The following IRX6 variants were observed in gnomAD, a reference collection of about 807,000 sequenced individuals.
IRX6 encodes the protein iroquois homeobox 6.
In IRX6, 46 loss-of-function variants were observed where a neutral mutation model predicts 47.7. The ratio of observed to expected loss-of-function variants is 0.96; its 90% CI spans 0.76 to 1.23. The LOEUF (loss-of-function observed/expected upper bound fraction) is 1.23. IRX6 is among the 50% of genes most tolerant of loss of function. IRX6 has a pLI of 0.00. For synonymous variants in IRX6, 265 were observed against 246.2 expected, an observed-to-expected ratio of 1.08 and a Z score of -0.72; for missense variants, 722 against 588.0, an observed-to-expected ratio of 1.23 and a Z score of -2.36.
chr16:55,326,959 C>G (rs57266215), intron 2 of IRX6: 41 of 31,546 alleles, frequency 1.3e-3, no homozygotes, highest in African/African-American at 4.8e-3. Context: ...GGGCAGGGGG[C>G]GGGGGGTGGG....
intron 5 of IRX6, among the ~76,000 whole-genome samples, chr16:55,329,871 G>A (rs527921837): frequency 6.6e-6 from 1 of 152,142 alleles, no homozygotes. Flanking sequence ...ATGCCCCTGC[G>A]GTCAGCAGCT....
intron 2 of IRX6, 171 bp downstream of exon 2, chr16:55,326,764 A>G: frequency 1.7e-6 from 1 of 576,374 alleles, no homozygotes; most frequent in Non-Finnish European, 2.8e-6. Context: ...ACTGTTTAGA[A>G]AACATTTATA....
chr16:55,328,381 G>T (rs1431765884), intron 4 of IRX6, among the ~76,000 whole-genome samples: 1 of 152,184 alleles, frequency 6.6e-6, no homozygotes, highest in East Asian at 1.9e-4. Context: ...AGTAAAAACT[G>T]CCCCCTGGTT....
rs750890205 is a variant in IRX6 at position 55,328,761 on chromosome 16, AGAG to A, written c.801_803del (p.Glu268del). The A allele has an allele frequency of 5.1e-4, 768 of 1,501,414 alleles. No homozygotes were observed. Among genetic ancestry groups the A allele is most frequent in the Non-Finnish European group, 5.5e-4 (609 of 1,104,066 alleles). The allele number at this position is 1,501,414 out of a possible 1,614,324, so 93.0% of individuals were successfully genotyped here. A position where few individuals can be genotyped will look rare whatever the true frequency, so the allele number is the denominator to read the frequency against. ...TGAGTGACCTGGAAGACCTGGAGGA[AGAG>A]GAGGAGGAGGAGGAGGAAGCTGAAG... On this transcript the variant is annotated inframe_deletion, in exon 5 of 6. Coordinates refer to ENST00000290552, the MANE Select transcript of IRX6 (RefSeq NM_024335.3).
rs1555484071 is a variant in IRX6 at position 55,326,959 on chromosome 16, C to CGG, written c.304-332_304-331dup. On this transcript the variant is annotated intron_variant, in intron 2 of 5. Transcript: ENST00000290552. ...CTGGTGTGTGTTGTGGGGCAGGGGG[C>CGG]GGGGGGTGGGGGGCAGTAAGGGGGG... is the stretch of plus-strand genomic sequence containing the variant. 185 of 31,472 alleles carry CGG rather than the reference C, an allele frequency of 5.9e-3. 5 individuals are homozygous for CGG. Among genetic ancestry groups the CGG allele is most frequent in the Middle Eastern group, 9.4e-3 (1 of 106 alleles). The allele number at this position is 31,472 out of a possible 1,614,324, so 1.9% of individuals were successfully genotyped here. A position where few individuals can be genotyped will look rare whatever the true frequency, so the allele number is the denominator to read the frequency against.
rs1295041734 is a variant in IRX6 at position 55,328,755 on chromosome 16, G to A, written c.777G>A (p.Leu259=). The change falls in exon 5 of 6, where the codon CTG becomes CTA. Residue 259 remains leucine, a synonymous_variant. Coordinates refer to ENST00000290552, the MANE Select transcript of IRX6 (RefSeq NM_024335.3). ...RGLRLSDLED[L]EEEEEEEEEA... is the part of the protein sequence containing the mutation. ...TCCGGCTGAGTGACCTGGAAGACCT[G>A]GAGGAAGAGGAGGAGGAGGAGGAGG... 6.2e-7 allele frequency: 1 copy of A among 1,613,238 alleles called. No homozygotes were observed. The highest frequency in any genetic ancestry group is 8.5e-7 in the Non-Finnish European group (1 of 1,180,008).
Position 55,325,033 on chromosome 16 carries a change from C to A in IRX6, c.-59C>A. The A allele has an allele frequency of 6.3e-7, 1 of 1,576,972 alleles. No homozygotes were observed. Among genetic ancestry groups the A allele is most frequent in the Non-Finnish European group, 8.7e-7 (1 of 1,146,536 alleles). Reference sequence around the variant, plus strand: ...ACACCTCACTGCTGGGGGCGCGGAACAGCTGGGCTGAGACGGGAACTCGAC... The same window carrying A: ...ACACCTCACTGCTGGGGGCGCGGAAAAGCTGGGCTGAGACGGGAACTCGAC... On this transcript the variant is annotated 5_prime_UTR_variant, in exon 1 of 6. Transcript: ENST00000290552.
chr16:55,326,974 A>AAG (rs1960542021), intron 2 of IRX6: 1 of 69,950 alleles, frequency 1.4e-5, no homozygotes, highest in African/African-American at 9.0e-5. Context: ...GGTGGGGGGC[A>AAG]GTAAGGGGGG....
intron 2 of IRX6, chr16:55,326,972 GCAGTAA>G (rs1457511025): frequency 2.0e-3 from 202 of 103,456 alleles, no homozygotes; most frequent in Admixed American, 2.4e-3. Flanking sequence ...GGGGTGGGGG[GCAGTAA>G]GGGGGGAAAG....
Position 55,326,082 on chromosome 16 carries a change from G to C in IRX6, c.46-254G>C, listed in dbSNP as rs1021632878. On this transcript the variant is annotated intron_variant, in intron 1 of 5. Transcript: ENST00000290552. ...AATGTTCACATTTTCCCGGCCTCCT[G>C]GGGCTCTGGGGCCTTAGCAATGGAG... 3 of 502,094 alleles carry C rather than the reference G, an allele frequency of 6.0e-6. No individual in the cohort carries two copies. The Admixed American group carries it at 1.1e-4, about 19-fold the overall frequency. The allele number at this position is 502,094 out of a possible 1,614,324, so 31.1% of individuals were successfully genotyped here. A position where few individuals can be genotyped will look rare whatever the true frequency, so the allele number is the denominator to read the frequency against.
At position 55,329,261 on chromosome 16, in the gene IRX6, C is replaced by A; in HGVS notation, c.1283C>A (p.Pro428Gln). The A allele has an allele frequency of 6.2e-7, 1 of 1,613,134 alleles. No individual in the cohort carries two copies. The highest frequency in any genetic ancestry group is 1.1e-5 in the South Asian group (1 of 91,058). The change falls in exon 5 of 6, where the codon CCG becomes CAG. Residue 428 changes from proline (P) to glutamine (Q), a missense_variant. By Grantham distance (76) the Pro-to-Gln change is moderately conservative (BLOSUM62 -1). Transcript: ENST00000290552. ...QGLPLNCAPC[P>Q]RRSEPVVQCQ... Reference sequence around the variant, plus strand: ...CTACCGCTGAACTGTGCGCCGTGCCCGCGGAGGAGCGAGCCTGTAGTGCAG... The same window carrying A: ...CTACCGCTGAACTGTGCGCCGTGCCAGCGGAGGAGCGAGCCTGTAGTGCAG...
At chr16:55,328,074 A>C (rs1567339888) in intron 4 of IRX6, among the ~76,000 whole-genome samples, 181 bp downstream of exon 4, 1 of 151,976 alleles carries the variant, frequency 6.6e-6, no homozygotes, top group Non-Finnish European at 1.5e-5. Context: ...TCTCTACACA[A>C]CCGGCTTCTT....
In IRX6 at chr16:55,326,476, G is replaced by T. The variant is rs1467375655; in HGVS notation, c.186G>T (p.Pro62=). The change falls in exon 2 of 6, where the codon CCG becomes CCT. Residue 62 remains proline (P), a synonymous_variant. Coordinates refer to ENST00000290552, the MANE Select transcript of IRX6 (RefSeq NM_024335.3). Reference sequence around the variant, plus strand: ...GTCGACTGCTGGGCAGTGCGCGACCGGAGCTGGGCGCCGCCTTGGGCATCT... The same window carrying T: ...GTCGACTGCTGGGCAGTGCGCGACCTGAGCTGGGCGCCGCCTTGGGCATCT... ...YDSRLLGSAR[P]ELGAALGIYG... The T allele has an allele frequency of 4.3e-6, 7 of 1,613,268 alleles. No homozygotes were observed. The South Asian group carries it at 6.6e-5, about 15-fold the overall frequency.
chr16:55,329,308 G>C lies in IRX6; in HGVS notation c.1330G>C (p.Glu444Gln). 1 of 1,595,182 alleles carries C rather than the reference G, an allele frequency of 6.3e-7. No individual in the cohort carries two copies. Residue 444 changes from glutamate to glutamine, a missense_variant, in exon 5 of 6, where the codon GAA (glutamate) becomes CAA (glutamine). Glu to Gln is a conservative substitution (Grantham distance 29). Transcript: ENST00000290552. The stretch of plus-strand genomic sequence containing the variant: ...GCAGTGCCAGTACCCGTCTGGAGCA[G>C]AAGGTAGTGGGCCCCCAGCGGCGCT... ...VVQCQYPSGA[E>Q]AG
intron 1 of IRX6, among the ~76,000 whole-genome samples, chr16:55,325,359 A>C (rs573450779): frequency 6.6e-6 from 1 of 150,494 alleles, no homozygotes; most frequent in Non-Finnish European, 1.5e-5. Context: ...AAACATGAGC[A>C]CTCTGACCAC....
chr16:55,328,698 A>C lies in IRX6; in HGVS notation c.722-2A>C. On this transcript the variant is annotated splice_acceptor_variant, in intron 4 of 5. Coordinates refer to ENST00000290552, the MANE Select transcript of IRX6 (RefSeq NM_024335.3). LOFTEE classifies it high-confidence loss of function. ...TTCTCACTCGCTCTTGATTTCCTGC[A>C]GAAGTTACTGCTAGCCAGGAGGCCC... 1 of 1,612,490 alleles carries C rather than the reference A, an allele frequency of 6.2e-7. No individual in the cohort carries two copies. The highest frequency in any genetic ancestry group is 8.5e-7 in the Non-Finnish European group (1 of 1,179,562).
In IRX6 at chr16:55,328,894, C is replaced by T. The variant is rs200259402; in HGVS notation, c.916C>T (p.Arg306Cys). The T allele has an allele frequency of 6.2e-7, 1 of 1,613,054 alleles. No homozygotes were observed. Among genetic ancestry groups the T allele is most frequent in the African/African-American group, 1.3e-5 (1 of 75,040 alleles). Residue 306 changes from arginine to cysteine, a missense_variant, in exon 5 of 6, where the codon CGC (arginine) becomes TGC (cysteine). Physicochemically the swap from Arg to Cys is radical, Grantham distance 180 (BLOSUM62 -3). Transcript: ENST00000290552. ...TGCAGCTCGAGAGGGCCGATTGGAGCGCAGGGAGTGCGGCCTGGCTGCGCC... is the reference window on the plus strand; with the variant it reads ...TGCAGCTCGAGAGGGCCGATTGGAGTGCAGGGAGTGCGGCCTGGCTGCGCC... ...CAAAREGRLE[R>C]RECGLAAPRF...
intron 1 of IRX6, among the ~76,000 whole-genome samples, chr16:55,325,427 A>T (rs931822007): frequency 1.3e-5 from 2 of 150,106 alleles, no homozygotes; most frequent in Non-Finnish European, 3.0e-5. Context: ...CCTCCTATAC[A>T]GAAGTCTGAG....
At position 55,326,553 on chromosome 16, in the gene IRX6, T is replaced by A; in HGVS notation, c.263T>A (p.Leu88Gln). Residue 88 changes from leucine to glutamine, a missense_variant, in exon 2 of 6, where the codon CTG becomes CAG. Leu to Gln is a moderately radical substitution (Grantham distance 113, BLOSUM62 -2). Transcript: ENST00000290552. ...AAAAQSYPGY[L>Q]PYSPEPPSLY... ...GCTGCCCAGAGCTACCCTGGCTACC[T>A]GCCCTATAGCCCAGAGCCCCCCTCA... 6.3e-7 allele frequency: 1 copy of A among 1,579,316 alleles called. No homozygotes were observed. The highest frequency in any genetic ancestry group is 8.6e-7 in the Non-Finnish European group (1 of 1,161,510).
Sources: allele counts gnomAD v4.1 joint callset (sites outside exome capture counted in the v4.1 genomes callset), GRCh38; gene constraint gnomAD v4.1.1; transcripts MANE v1.5; gene names NCBI Gene and HGNC (gene_info 2026-07-23, HGNC 2026-07-21).